Variants in ARL3 observed in about 807,000 individuals in gnomAD.
The protein encoded by ARL3 is ADP-ribosylation factor-like protein 3.
Under a neutral mutation model 26.0 loss-of-function variants are expected in ARL3, and 9 were observed. The observed-to-expected ratio is 0.35, with a 90% CI of 0.21 to 0.60. The LOEUF is 0.60. Among genes scored for constraint, ARL3 ranks in the 20% least tolerant of loss-of-function variants. The pLI, the probability that ARL3 is intolerant of heterozygous loss-of-function variation, is 0.78. For missense variants in ARL3, 158 were observed against 215.7 expected, an observed-to-expected ratio of 0.73 and a Z score of 1.67; for synonymous variants, 71 against 78.4, an observed-to-expected ratio of 0.91 and a Z score of 0.50.
chr10:102,676,979 A>G (rs776726601), intron 5 of ARL3, 38 bp from the exon 6 acceptor site: 3 of 1,609,094 alleles, frequency 1.9e-6, no homozygotes, highest in Admixed American at 3.3e-5. Flanking sequence ...AGTGTTAGTT[A>G]TAAGAAAAGC....
intron 5 of ARL3, among the ~76,000 whole-genome samples, chr10:102,678,969 AC>A (rs1168758751): frequency 6.6e-6 from 1 of 151,852 alleles, no homozygotes; most frequent in Non-Finnish European, 1.5e-5. Context: ...CTGCCAGCTG[AC>A]CCCCGGCCTG....
chr10:102,678,164 G>A (rs1157197034), intron 5 of ARL3, among the ~76,000 whole-genome samples: 1 of 152,176 alleles, frequency 6.6e-6, no homozygotes, highest in Non-Finnish European at 1.5e-5. Context: ...CTGTCCCAGA[G>A]CCGACATCTG....
intron 4 of ARL3, among the ~76,000 whole-genome samples, chr10:102,689,644 C>G (rs1261269053): frequency 6.6e-6 from 1 of 151,956 alleles, no homozygotes; most frequent in East Asian, 1.9e-4. Context: ...CCAGCCTGAC[C>G]AATGTGGTGA....
intron 3 of ARL3, among the ~76,000 whole-genome samples, chr10:102,690,780 TA>T (rs1203372485): frequency 6.6e-6 from 1 of 152,170 alleles, no homozygotes; most frequent in Non-Finnish European, 1.5e-5. Flanking sequence ...TTTTATTTCT[TA>T]GACAAACCCT....
chr10:102,685,766 C>G, intron 5 of ARL3, 50 bp downstream of exon 5: 1 of 1,534,954 alleles, frequency 6.5e-7, no homozygotes, highest in East Asian at 2.3e-5. Flanking sequence ...GACAGACCAC[C>G]TCGGTTAGCT....
rs563904403 is a variant in ARL3, at chr10:102,692,921, C to A, written c.265-2978G>T. On this transcript the variant is annotated intron_variant, in intron 3 of 5. Coordinates refer to ENST00000260746, the MANE Select transcript of ARL3 (RefSeq NM_004311.4). ...CCGTGTTAGCCAGGATGGTCTCGAT[C>A]TCCTGACCTCGTGATCTGCCCGCCT... is the stretch of plus-strand genomic sequence containing the variant. 7.2e-5 allele frequency among the ~76,000 whole-genome samples: 11 copies of A among 152,318 alleles called. No individual in the cohort carries two copies. In the South Asian group the frequency reaches 2.3e-3, roughly 32 times the overall value.
chr10:102,685,757 A>G (rs2064180513), intron 5 of ARL3, 59 bp downstream of exon 5: 2 of 1,518,624 alleles, frequency 1.3e-6, no homozygotes, highest in South Asian at 2.6e-5. Context: ...AACCAATGAG[A>G]CAGACCACCT....
chr10:102,687,037 G>A (rs996766727), intron 4 of ARL3, among the ~76,000 whole-genome samples: 2 of 150,944 alleles, frequency 1.3e-5, no homozygotes, highest in Non-Finnish European at 1.5e-5. Flanking sequence ...ACCATGCCTC[G>A]CTAATTTTTT....
intron 4 of ARL3, among the ~76,000 whole-genome samples, chr10:102,689,553 T>G (rs1018404901): frequency 1.3e-5 from 2 of 150,232 alleles, no homozygotes; most frequent in Non-Finnish European, 3.0e-5. Context: ...TATACTAGGC[T>G]GGGCGTGGTG....
At chr10:102,694,510 G>A (rs1190241363) in intron 3 of ARL3, among the ~76,000 whole-genome samples, 1 of 151,994 alleles carries the variant, frequency 6.6e-6, no homozygotes, top group African/African-American at 2.4e-5. Flanking sequence ...AACATTTTAA[G>A]TTAAGGGGTA....
intron 1 of ARL3, among the ~76,000 whole-genome samples, chr10:102,713,645 G>A (rs183297113): frequency 2.4e-4 from 36 of 152,230 alleles, no homozygotes; most frequent in South Asian, 1.2e-3. Context: ...AAATAATTCG[G>A]GACTGAGGAA....
At chr10:102,677,182 C>T (rs1564727614) in intron 5 of ARL3, among the ~76,000 whole-genome samples, 1 of 152,190 alleles carries the variant, frequency 6.6e-6, no homozygotes, top group Non-Finnish European at 1.5e-5. Flanking sequence ...AGCGCCTGAA[C>T]TTGAGATGGG....
At chr10:102,711,681 C>T (rs1478835228) in intron 1 of ARL3, among the ~76,000 whole-genome samples, 2 of 151,902 alleles carry the variant, frequency 1.3e-5, no homozygotes, top group African/African-American at 4.8e-5. Flanking sequence ...GGCGTGAACC[C>T]GGGAGGCGGA....
intron 4 of ARL3, among the ~76,000 whole-genome samples, chr10:102,688,153 A>G (rs2064197285): frequency 6.6e-6 from 1 of 152,230 alleles, no homozygotes; most frequent in Non-Finnish European, 1.5e-5. Context: ...GTTTACAAAA[A>G]CTATAGGAAA....
chr10:102,678,622 A>G (rs2064141501), intron 5 of ARL3, among the ~76,000 whole-genome samples: 1 of 152,234 alleles, frequency 6.6e-6, no homozygotes, highest in Non-Finnish European at 1.5e-5. Context: ...CCATCTTCTC[A>G]GAGAAATCAA....
chr10:102,692,970 A>C (rs2064227497), intron 3 of ARL3, among the ~76,000 whole-genome samples: 1 of 152,246 alleles, frequency 6.6e-6, no homozygotes, highest in Non-Finnish European at 1.5e-5. Context: ...TGCTGGGATT[A>C]CAGGCATGAG....
intron 3 of ARL3, among the ~76,000 whole-genome samples, chr10:102,691,544 TATAATTTTCACATGTTGTGAAAC>T (rs1564730791): frequency 2.0e-5 from 3 of 152,206 alleles, no homozygotes. Flanking sequence ...GTGAATTTCA[TATAATTTTCACATGTTGTGAAAC>T]ATTATTCTTT....
intron 4 of ARL3, among the ~76,000 whole-genome samples, chr10:102,689,570 G>A (rs1282975894): frequency 6.6e-6 from 1 of 152,274 alleles, no homozygotes; most frequent in East Asian, 1.9e-4. Context: ...GGTGGCTCAC[G>A]CCTGTAATCC....
intron 1 of ARL3, among the ~76,000 whole-genome samples, chr10:102,711,334 GTGTATATA>G (rs1461367865): frequency 3.6e-5 from 5 of 137,478 alleles, no homozygotes; most frequent in Non-Finnish European, 7.9e-5. Context: ...GTGTGTGTGT[GTGTATATA>G]TATATATATA....
Sources: allele counts gnomAD v4.1 joint callset (sites outside exome capture counted in the v4.1 genomes callset), GRCh38; gene constraint gnomAD v4.1.1; transcripts MANE v1.5; gene names NCBI Gene and HGNC (gene_info 2026-07-23, HGNC 2026-07-21).